Variants in ATP2B4 observed in about 807,000 individuals in gnomAD.
ATP2B4 encodes the protein ATPase plasma membrane Ca2+ transporting 4, also known as plasma membrane calcium-transporting ATPase 4.
ATP2B4 carries 39 observed loss-of-function variants against 110.3 expected under a neutral mutation model. That is an observed-to-expected ratio of 0.35 (90% confidence interval 0.27 to 0.46). The LOEUF (loss-of-function observed/expected upper bound fraction) is 0.46, where lower values mean the gene tolerates loss of function less well. Among genes scored for constraint, ATP2B4 ranks in the 20% least tolerant of loss-of-function variants. The pLI is 1.00. For missense variants in ATP2B4, 1,135 were observed against 1,530.9 expected (o/e 0.74, Z 4.32); for synonymous variants, 538 against 571.7 (o/e 0.94, Z 0.84).
At chr1:203,672,022 T>TG (rs1156786802) in intron 1 of ATP2B4, among the ~76,000 whole-genome samples, 1 of 151,632 alleles carries the variant, frequency 6.6e-6, no homozygotes, top group Non-Finnish European at 1.5e-5. Context: ...TGGTGGGGGC[T>TG]GGGGGGAGGG....
intron 1 of ATP2B4, chr1:203,656,924 T>C (rs1664180846): frequency 1.6e-6 from 1 of 615,172 alleles, no homozygotes; most frequent in Non-Finnish European, 2.9e-6. Context: ...GGCAGTTTTT[T>C]CAGTTGGTGT....
intron 2 of ATP2B4, among the ~76,000 whole-genome samples, chr1:203,684,807 C>T (rs1033467009): frequency 6.6e-6 from 1 of 152,100 alleles, no homozygotes; most frequent in African/African-American, 2.4e-5. Context: ...CTGCTGGATA[C>T]ACTTTTAATG....
intron 17 of ATP2B4, among the ~76,000 whole-genome samples, chr1:203,721,752 T>C (rs1459150653): frequency 6.9e-6 from 1 of 145,914 alleles, no homozygotes; most frequent in African/African-American, 2.6e-5. Flanking sequence ...AACGTCTGCC[T>C]CCCAGGTTCA....
Position 203,667,286 on chromosome 1 carries a change from G to A in ATP2B4, c.-464-15456G>A, listed in dbSNP as rs146112582. Among the ~76,000 whole-genome samples the A allele has an allele frequency of 2.5e-3, 377 of 152,290 alleles. 2 individuals are homozygous for A. The highest frequency in any genetic ancestry group is 8.5e-3 in the African/African-American group (354 of 41,568). ...TTTTTCCAAAGGGGGACAGAAGCCC[G>A]TGATCTACTGAGAGGAGAAAGTTTC... On this transcript the variant is annotated intron_variant, in intron 1 of 20. Transcript: ENST00000357681.
intron 20 of ATP2B4, among the ~76,000 whole-genome samples, chr1:203,734,039 C>T (rs1362552927): frequency 6.6e-6 from 1 of 152,224 alleles, no homozygotes; most frequent in Non-Finnish European, 1.5e-5. Flanking sequence ...GGCACGATGG[C>T]TCACGCCTGT....
intron 1 of ATP2B4, among the ~76,000 whole-genome samples, chr1:203,661,367 C>G (rs1357203037): frequency 6.6e-6 from 1 of 152,284 alleles, no homozygotes; most frequent in East Asian, 1.9e-4. Context: ...CAGTTTTCTC[C>G]TCTGTAAAAT....
chr1:203,736,020 G>T (rs907831004), intron 20 of ATP2B4, among the ~76,000 whole-genome samples: 2 of 152,136 alleles, frequency 1.3e-5, no homozygotes, highest in Non-Finnish European at 2.9e-5. Flanking sequence ...TTTAGTTGGA[G>T]CTCCTAGAAG....
rs376893107 is a variant in ATP2B4, at chr1:203,699,539, C to T, written c.471C>T (p.Phe157=). 10 of 1,614,064 alleles carry T rather than the reference C, an allele frequency of 6.2e-6. No homozygotes were observed. Among genetic ancestry groups the T allele is most frequent in the Non-Finnish European group, 7.6e-6 (9 of 1,180,034 alleles). The change falls in exon 4 of 21, where the codon TTC becomes TTT. Residue 157 remains phenylalanine (F), a synonymous_variant. Transcript: ENST00000357681. ...AGWIEGAAIL[F]SVIIVVLVTA... is the part of the protein sequence containing the mutation. ...GGATTGAGGGGGCAGCCATCCTTTT[C>T]TCAGTGATCATCGTGGTGTTAGTGA...
intron 1 of ATP2B4, among the ~76,000 whole-genome samples, chr1:203,633,699 G>A (rs1423089983): frequency 1.7e-5 from 2 of 118,734 alleles, no homozygotes; most frequent in Non-Finnish European, 1.8e-5. Flanking sequence ...GAGACAGAGC[G>A]AGACTCCATA....
intron 1 of ATP2B4, among the ~76,000 whole-genome samples, chr1:203,668,064 G>A (rs1047101778): frequency 6.6e-6 from 1 of 152,130 alleles, no homozygotes; most frequent in African/African-American, 2.4e-5. Flanking sequence ...CCTCCTCTGC[G>A]AATCCTTGTG....
At position 203,727,568 on chromosome 1, in the gene ATP2B4, T is replaced by G. The variant is rs774296126; in HGVS notation, c.3306T>G (p.Thr1102=). The G allele has an allele frequency of 2.6e-5, 42 of 1,613,566 alleles. No individual in the cohort carries two copies. Among genetic ancestry groups the G allele is most frequent in the Non-Finnish European group, 3.3e-5 (39 of 1,179,900 alleles). ...TCCGGGGCCTGAACCGTATCCAGAC[T>G]CAGGTACTCTGATAGTGGTCTGTCC... ...LWFRGLNRIQ[T]QIKVVKAFHS... Residue 1102 remains threonine, a synonymous_variant, in exon 20 of 21, where the codon ACT becomes ACG. Transcript: ENST00000357681.
chr1:203,639,298 T>C (rs1663556376), intron 1 of ATP2B4, among the ~76,000 whole-genome samples: 1 of 152,190 alleles, frequency 6.6e-6, no homozygotes, highest in Admixed American at 6.5e-5. Context: ...CACTTATCCA[T>C]TTATTTATCC....
chr1:203,712,608 GA>G (rs1290583497), intron 13 of ATP2B4, among the ~76,000 whole-genome samples: 1 of 151,098 alleles, frequency 6.6e-6, no homozygotes, highest in Non-Finnish European at 1.5e-5. Flanking sequence ...AAAAAAAAAA[GA>G]GGGGGGGAGT....
intron 2 of ATP2B4, among the ~76,000 whole-genome samples, chr1:203,692,534 T>G (rs1445248111): frequency 6.6e-6 from 1 of 152,176 alleles, no homozygotes; most frequent in East Asian, 1.9e-4. Context: ...CTTCTCAAGT[T>G]CCAAAAGAGG....
intron 1 of ATP2B4, among the ~76,000 whole-genome samples, chr1:203,650,663 G>A (rs1663959114): frequency 2.6e-5 from 4 of 152,148 alleles, no homozygotes; most frequent in Admixed American, 2.6e-4. Context: ...CGGGCGGGGA[G>A]CGGGGCGGGC....
intron 1 of ATP2B4, among the ~76,000 whole-genome samples, chr1:203,630,013 A>G (rs1308340617): frequency 6.6e-6 from 1 of 152,234 alleles, no homozygotes; most frequent in African/African-American, 2.4e-5. Context: ...TCTCCACGGT[A>G]GAGGTGACAG....
At chr1:203,633,973 C>T (rs1293307977) in intron 1 of ATP2B4, among the ~76,000 whole-genome samples, 1 of 152,012 alleles carries the variant, frequency 6.6e-6, no homozygotes, top group Non-Finnish European at 1.5e-5. Flanking sequence ...TCGCTTGAAC[C>T]TGGGAGGCGG....
chr1:203,719,883 C>T (rs1375089525), intron 15 of ATP2B4, among the ~76,000 whole-genome samples: 2 of 151,780 alleles, frequency 1.3e-5, no homozygotes, highest in Admixed American at 6.6e-5. Flanking sequence ...TAAAGCTGGG[C>T]GATATAGAGA....
chr1:203,688,000 TA>T (rs1558034484), intron 2 of ATP2B4, among the ~76,000 whole-genome samples: 3 of 136,860 alleles, frequency 2.2e-5, no homozygotes, highest in Non-Finnish European at 4.6e-5. Flanking sequence ...AAGAGATTAT[TA>T]TTATTATTAT....
Sources: allele counts gnomAD v4.1 joint callset (sites outside exome capture counted in the v4.1 genomes callset), GRCh38; gene constraint gnomAD v4.1.1; transcripts MANE v1.5; gene names NCBI Gene and HGNC (gene_info 2026-07-23, HGNC 2026-07-21).